FBXO34: variants seen among roughly 807,000 people sequenced by gnomAD.
FBXO34 encodes F-box only protein 34.
In FBXO34, 12 loss-of-function variants were observed where a neutral mutation model predicts 24.5. That is an observed-to-expected ratio of 0.49 (90% CI 0.31 to 0.79). FBXO34 has a LOEUF of 0.79. Ranked by LOEUF, FBXO34 falls within the 30% of genes least tolerant of loss-of-function variation. The pLI is 0.04. For synonymous variants in FBXO34, 320 were observed against 311.9 expected, an observed-to-expected ratio of 1.03 and a Z score of -0.27; for missense variants, 823 against 857.7, an observed-to-expected ratio of 0.96 and a Z score of 0.51.
chr14:55,339,682 A>G (rs916789380), intron 1 of FBXO34, among the ~76,000 whole-genome samples: 3 of 152,202 alleles, frequency 2.0e-5, no homozygotes, highest in African/African-American at 4.8e-5. Context: ...ACCTCTTGGA[A>G]TGCTCATTTT....
chr14:55,408,351 A>C, the FBXO34 span, among the ~76,000 whole-genome samples: 1 of 152,180 alleles, frequency 6.6e-6, no homozygotes, highest in Admixed American at 6.5e-5. Context: ...GATACCAGGG[A>C]GACTGAGACA....
intron 1 of FBXO34, among the ~76,000 whole-genome samples, chr14:55,347,253 G>A (rs1884189791): frequency 6.6e-6 from 1 of 152,296 alleles, no homozygotes; most frequent in East Asian, 1.9e-4. Context: ...CTGCCTTTGT[G>A]TGTGGGGGTG....
intron 1 of FBXO34, among the ~76,000 whole-genome samples, chr14:55,294,432 C>T (rs1594732071): frequency 2.0e-5 from 3 of 152,076 alleles, no homozygotes; most frequent in Non-Finnish European, 4.4e-5. Flanking sequence ...GGAGTACATA[C>T]GCACACCACA....
chr14:55,290,495 C>A (rs570027137), intron 1 of FBXO34, among the ~76,000 whole-genome samples: 1 of 152,244 alleles, frequency 6.6e-6, no homozygotes, highest in East Asian at 1.9e-4. Context: ...GAGGTCATCA[C>A]CCCCTACCAT....
At chr14:55,440,941 G>C in the FBXO34 span, among the ~76,000 whole-genome samples, 3 of 152,178 alleles carry the variant, frequency 2.0e-5, no homozygotes, top group African/African-American at 7.2e-5. Flanking sequence ...CCGCCTCCCG[G>C]GTTCAAGCTA....
At chr14:55,406,264 A>G in the FBXO34 span, among the ~76,000 whole-genome samples, 2 of 152,214 alleles carry the variant, frequency 1.3e-5, no homozygotes, top group Non-Finnish European at 2.9e-5. Flanking sequence ...GAACTTTGAT[A>G]TGCATTATCA....
chr14:55,395,883 C>T, the FBXO34 span: 1 of 1,256,478 alleles, frequency 8.0e-7, no homozygotes, highest in Admixed American at 2.6e-5. Context: ...ATTTTATAAG[C>T]TCTACCAACT....
chr14:55,312,552 C>T (rs768470344), intron 1 of FBXO34, among the ~76,000 whole-genome samples: 8 of 152,226 alleles, frequency 5.3e-5, no homozygotes, highest in Non-Finnish European at 8.8e-5. Flanking sequence ...CATGAGGGCT[C>T]CACCCTGCAG....
chr14:55,345,834 T>C (rs1884142046), intron 1 of FBXO34, among the ~76,000 whole-genome samples: 1 of 152,118 alleles, frequency 6.6e-6, no homozygotes, highest in African/African-American at 2.4e-5. Context: ...AGACCCTGTC[T>C]CTACAAAAAA....
At chr14:55,428,691 C>G in the FBXO34 span, 1 of 1,115,256 alleles carries the variant, frequency 9.0e-7, no homozygotes, top group Non-Finnish European at 1.3e-6. Flanking sequence ...ACTATTGTGT[C>G]CCCCGCCTTT....
intron 1 of FBXO34, among the ~76,000 whole-genome samples, chr14:55,303,217 A>G (rs1882425208): frequency 1.3e-5 from 2 of 152,148 alleles, no homozygotes; most frequent in African/African-American, 4.8e-5. Context: ...CTGTGAAAAA[A>G]GATGATGCAA....
chr14:55,369,763 A>G (rs757920192), downstream of FBXO34: 10 of 1,614,076 alleles, frequency 6.2e-6, no homozygotes, highest in South Asian at 7.7e-5. Flanking sequence ...GGGAAGGGAT[A>G]TCACAAAACC....
intron 1 of FBXO34, among the ~76,000 whole-genome samples, chr14:55,316,024 C>T (rs1033746248): frequency 2.6e-5 from 4 of 151,922 alleles, no homozygotes; most frequent in Non-Finnish European, 4.4e-5. Context: ...TTGCGTTTTT[C>T]ATTTCTTTGT....
At chr14:55,284,505 T>C (rs1211529228) in intron 1 of FBXO34, among the ~76,000 whole-genome samples, 1 of 131,120 alleles carries the variant, frequency 7.6e-6, no homozygotes, top group South Asian at 2.6e-4. Flanking sequence ...AGAGTGAACC[T>C]CTGTCTCCAA....
At chr14:55,346,167 A>G (rs115287546) in intron 1 of FBXO34, among the ~76,000 whole-genome samples, 1 of 152,226 alleles carries the variant, frequency 6.6e-6, no homozygotes, top group Admixed American at 6.5e-5. Flanking sequence ...CTAGTCTAGT[A>G]GTCATGGTTC....
the FBXO34 span, chr14:55,381,990 C>T: frequency 6.2e-7 from 1 of 1,614,162 alleles, no homozygotes; most frequent in South Asian, 1.1e-5. Flanking sequence ...TCTTCTCCTC[C>T]ACCCAGCTGT....
rs201526702 is a variant in FBXO34, at chr14:55,274,696, TTTTAC to T, written c.-11+3164_-11+3168del. The stretch of plus-strand genomic sequence containing the variant: ...ATTTAGAATTTAAATTCTTAAAAAT[TTTTAC>T]TTTATTTTTTAAACTTAATTTATGT... On this transcript the variant is annotated intron_variant, in intron 1 of 1. Coordinates refer to ENST00000313833, the MANE Select transcript of FBXO34 (RefSeq NM_017943.4). Among the ~76,000 whole-genome samples the T allele has an allele frequency of 7.6e-3, 1,163 of 152,310 alleles. 11 individuals are homozygous for T. The highest frequency in any genetic ancestry group is 0.023 in the African/African-American group (939 of 41,558).
chr14:55,328,371 G>C (rs1280579071), intron 1 of FBXO34, among the ~76,000 whole-genome samples: 1 of 152,014 alleles, frequency 6.6e-6, no homozygotes, highest in Non-Finnish European at 1.5e-5. Context: ...TGCGCTTTAG[G>C]GCCATTATTA....
intron 1 of FBXO34, among the ~76,000 whole-genome samples, chr14:55,299,571 C>T (rs956127533): frequency 6.6e-6 from 1 of 152,128 alleles, no homozygotes; most frequent in African/African-American, 2.4e-5. Flanking sequence ...GATATTTTCC[C>T]CCCATAACCA....
Sources: allele counts gnomAD v4.1 joint callset (sites outside exome capture counted in the v4.1 genomes callset), GRCh38; gene constraint gnomAD v4.1.1; transcripts MANE v1.5; gene names NCBI Gene and HGNC (gene_info 2026-07-23, HGNC 2026-07-21).